The following RBFOX1 variants were observed in gnomAD, a reference collection of about 807,000 sequenced individuals.
The protein encoded by RBFOX1 is RNA binding protein fox-1 homolog 1.
Under a neutral mutation model 57.7 loss-of-function variants are expected in RBFOX1, and 8 were observed. The observed-to-expected ratio is 0.14, with a 90% CI of 0.08 to 0.25. RBFOX1 has a LOEUF of 0.25. RBFOX1 is among the 10% of genes least tolerant of loss of function. The probability of loss-of-function intolerance (pLI) is 1.00; values close to 1 mark genes in which losing one functional copy is unlikely to be tolerated. For missense variants in RBFOX1, 611 were observed against 548.5 expected (o/e 1.11, Z -1.14); for synonymous variants, 326 against 222.4 (o/e 1.47, Z -4.15).
rs188202058 is a variant in RBFOX1, at chr16:7,554,605, G to A, written c.271-25172G>A. On this transcript the variant is annotated intron_variant, in intron 5 of 15. Transcript: ENST00000550418. ...CTTACCTTTAGAATTGCCATGAAGT[G>A]AACACCAGTGAATTCAGATTAGTTG... Among the ~76,000 whole-genome samples, 250 of 152,038 alleles carry A rather than the reference G, an allele frequency of 1.6e-3. 1 individual carries two copies. Among genetic ancestry groups the A allele is most frequent in the Middle Eastern group, 0.01 (3 of 294 alleles).
chr16:6,593,785 G>A (rs1025629791), intron 2 of RBFOX1, among the ~76,000 whole-genome samples: 10 of 152,138 alleles, frequency 6.6e-5, no homozygotes, highest in Non-Finnish European at 2.9e-5. Flanking sequence ...AGAAAGGCAG[G>A]TGGCATTAGC....
intron 3 of RBFOX1, among the ~76,000 whole-genome samples, chr16:6,664,811 G>C (rs938700443): frequency 2.0e-5 from 3 of 152,162 alleles, no homozygotes; most frequent in African/African-American, 7.2e-5. Context: ...CAAAAGGCAA[G>C]GTAGTACAGT....
rs559456676 is a variant in RBFOX1 at position 6,936,998 on chromosome 16, C to T, written c.-15-115059C>T. On this transcript the variant is annotated intron_variant, in intron 3 of 15. Coordinates refer to ENST00000550418, the MANE Select transcript of RBFOX1 (RefSeq NM_018723.4). ...GGGAGATATACCTAATGCTAGATGA[C>T]GAGTTAGTGGGGGTAGCACACCAGC... Among the ~76,000 whole-genome samples, 63 of 150,548 alleles carry T rather than the reference C, an allele frequency of 4.2e-4. 2 individuals carry two copies. In the South Asian group the frequency reaches 0.011, roughly 27 times the overall value.
intron 2 of RBFOX1, among the ~76,000 whole-genome samples, chr16:6,490,670 A>G (rs2095612128): frequency 6.6e-6 from 1 of 152,212 alleles, no homozygotes; most frequent in South Asian, 2.1e-4. Context: ...AGGGTCACCC[A>G]TGAACAGCTC....
intron 1 of RBFOX1, among the ~76,000 whole-genome samples, chr16:5,353,180 C>A (rs1210187339): frequency 6.6e-6 from 1 of 152,052 alleles, no homozygotes; most frequent in Non-Finnish European, 1.5e-5. Flanking sequence ...TCAAGATCAG[C>A]CTGGCCAACA....
intron 3 of RBFOX1, among the ~76,000 whole-genome samples, chr16:6,861,969 G>A (rs1011259862): frequency 6.6e-6 from 1 of 151,948 alleles, no homozygotes; most frequent in South Asian, 2.1e-4. Context: ...TGCAATGGGA[G>A]GCTTGAATCA....
chr16:5,307,164 TTGG>T (rs1218061316), intron 1 of RBFOX1, among the ~76,000 whole-genome samples: 2 of 152,208 alleles, frequency 1.3e-5, no homozygotes, highest in Non-Finnish European at 2.9e-5. Flanking sequence ...TACATTTCAG[TTGG>T]TGGGTCCCCA....
At chr16:5,415,954 A>G (rs750498663) in intron 1 of RBFOX1, among the ~76,000 whole-genome samples, 18 of 152,210 alleles carry the variant, frequency 1.2e-4, no homozygotes, top group Non-Finnish European at 4.4e-5. Flanking sequence ...GTGTGGACTC[A>G]GAGACCAATG....
chr16:7,034,851 T>TC (rs1432275069), intron 3 of RBFOX1, among the ~76,000 whole-genome samples: 1 of 80,880 alleles, frequency 1.2e-5, no homozygotes, highest in Admixed American at 1.2e-4. Context: ...CTTTTTTCTT[T>TC]TTTTTTTTTT....
intron 5 of RBFOX1, among the ~76,000 whole-genome samples, chr16:7,557,814 G>A (rs1364234701): frequency 2.6e-5 from 4 of 151,922 alleles, no homozygotes; most frequent in Non-Finnish European, 5.9e-5. Flanking sequence ...GGGCTCCAGA[G>A]ACTGATCTGA....
intron 3 of RBFOX1, among the ~76,000 whole-genome samples, chr16:5,721,725 A>G (rs1010766423): frequency 2.6e-5 from 4 of 152,184 alleles, no homozygotes; most frequent in Non-Finnish European, 5.9e-5. Context: ...TGAAATAATC[A>G]TGACATTTTG....
intron 1 of RBFOX1, among the ~76,000 whole-genome samples, chr16:6,086,519 C>G (rs2096086790): frequency 6.6e-6 from 1 of 152,166 alleles, no homozygotes; most frequent in Non-Finnish European, 1.5e-5. Context: ...CTTTTAGATT[C>G]CTGCTTAAAC....
intron 3 of RBFOX1, among the ~76,000 whole-genome samples, chr16:7,035,726 A>G (rs958137215): frequency 3.3e-5 from 5 of 152,206 alleles, no homozygotes; most frequent in African/African-American, 1.2e-4. Flanking sequence ...ATTGCTAGCA[A>G]TTAACATGAA....
At chr16:6,898,480 C>T (rs1019875624) in intron 3 of RBFOX1, among the ~76,000 whole-genome samples, 6 of 152,144 alleles carry the variant, frequency 3.9e-5, no homozygotes, top group East Asian at 1.9e-4. Context: ...TCTCATAATT[C>T]AGTCCATAGT....
chr16:6,328,435 A>AT (rs1239792949), intron 2 of RBFOX1, among the ~76,000 whole-genome samples: 12 of 152,134 alleles, frequency 7.9e-5, no homozygotes, highest in East Asian at 5.8e-4. Flanking sequence ...GATGGTAATA[A>AT]TTTTTTTTAA....
intron 4 of RBFOX1, among the ~76,000 whole-genome samples, chr16:7,419,857 C>G (rs1196662584): frequency 6.6e-6 from 1 of 151,720 alleles, no homozygotes; most frequent in Non-Finnish European, 1.5e-5. Flanking sequence ...TTCTTTTCTC[C>G]ACTAATTATA....
At chr16:5,757,210 T>A (rs1433906977) in intron 3 of RBFOX1, among the ~76,000 whole-genome samples, 1 of 151,268 alleles carries the variant, frequency 6.6e-6, no homozygotes, top group African/African-American at 2.4e-5. Context: ...CGGGGAAGGT[T>A]TTTTTTGTTT....
chr16:6,106,899 C>T (rs2096387596), intron 1 of RBFOX1, among the ~76,000 whole-genome samples: 1 of 152,072 alleles, frequency 6.6e-6, no homozygotes, highest in African/African-American at 2.4e-5. Flanking sequence ...TCTCAATCTC[C>T]TGACCTCGTG....
At chr16:7,195,336 T>C (rs1389614187) in intron 4 of RBFOX1, among the ~76,000 whole-genome samples, 1 of 152,190 alleles carries the variant, frequency 6.6e-6, no homozygotes, top group Non-Finnish European at 1.5e-5. Context: ...CAGTGTCTTT[T>C]CTAGCCAGTT....
Sources: gnomAD v4.1 joint callset for allele counts (sites outside exome capture counted in the v4.1 genomes callset) on GRCh38, gnomAD v4.1.1 for gene constraint, MANE v1.5 for transcripts, NCBI Gene and HGNC (gene_info 2026-07-23, HGNC 2026-07-21) for gene names.